DGKI: variants seen among roughly 807,000 people sequenced by gnomAD.
DGKI encodes DAG kinase iota.
DGKI carries 55 observed loss-of-function variants against 147.5 expected under a neutral mutation model. The observed-to-expected ratio is 0.37, with a 90% confidence interval of 0.30 to 0.47. The LOEUF is 0.47. Among genes scored for constraint, DGKI ranks in the 20% least tolerant of loss-of-function variants. The probability of loss-of-function intolerance (pLI) is 1.00; values close to 1 mark genes in which losing one functional copy is unlikely to be tolerated. For missense variants in DGKI, 1,007 were observed against 1,323.8 expected (o/e 0.76, Z 3.71); for synonymous variants, 469 against 477.1 (o/e 0.98, Z 0.22).
At chr7:137,689,157 G>A (rs1452109314) in intron 2 of DGKI, among the ~76,000 whole-genome samples, 1 of 152,132 alleles carries the variant, frequency 6.6e-6, no homozygotes, top group Non-Finnish European at 1.5e-5. Context: ...GCTAAACAAG[G>A]TTCATCATCA....
At chr7:137,659,365 C>A (rs1251031939) in intron 3 of DGKI, among the ~76,000 whole-genome samples, 1 of 152,126 alleles carries the variant, frequency 6.6e-6, no homozygotes, top group East Asian at 1.9e-4. Context: ...TCACTGACTT[C>A]ACGGTGTATG....
intron 30 of DGKI, among the ~76,000 whole-genome samples, chr7:137,403,095 G>A (rs1811824335): frequency 6.6e-6 from 1 of 151,946 alleles, no homozygotes; most frequent in Admixed American, 6.5e-5. Flanking sequence ...GGAGGGAGCG[G>A]GCAGAAAATA....
intron 1 of DGKI, among the ~76,000 whole-genome samples, chr7:137,754,965 C>T (rs1326035066): frequency 6.6e-6 from 1 of 152,194 alleles, no homozygotes; most frequent in Non-Finnish European, 1.5e-5. Context: ...TACTTTAAAA[C>T]GTCTGCTTTC....
At chr7:137,838,482 C>A (rs1293647787) in intron 1 of DGKI, among the ~76,000 whole-genome samples, 1 of 152,090 alleles carries the variant, frequency 6.6e-6, no homozygotes, top group African/African-American at 2.4e-5. Context: ...TATCTTTCAA[C>A]AAATTGCTTT....
chr7:137,675,686 A>G (rs1038510520), intron 3 of DGKI, among the ~76,000 whole-genome samples: 8 of 49,012 alleles, frequency 1.6e-4, no homozygotes, highest in African/African-American at 2.5e-4. Context: ...CTACATCCAA[A>G]AAAAAAAAAA....
At chr7:137,819,452 A>G (rs1229099924) in intron 1 of DGKI, among the ~76,000 whole-genome samples, 2 of 151,976 alleles carry the variant, frequency 1.3e-5, no homozygotes, top group East Asian at 3.9e-4. Context: ...CTGGGAATAC[A>G]GGCGCCCGCC....
chr7:137,454,179 G>T (rs1181129014), intron 27 of DGKI, among the ~76,000 whole-genome samples: 2 of 152,108 alleles, frequency 1.3e-5, no homozygotes, highest in African/African-American at 4.8e-5. Flanking sequence ...TCATTGATCA[G>T]CCAGGTTTAG....
rs1391979069 is a variant in DGKI, at chr7:137,504,974, C to T, written c.2248+16892G>A. Among the ~76,000 whole-genome samples the T allele has an allele frequency of 2.0e-5, 3 of 152,018 alleles. No homozygotes were observed. The East Asian group carries it at 5.8e-4, about 30-fold the overall frequency. ...ACTGGGTGAAAATCTTTGCAAAACA[C>T]GTATCTGATAAAAGACTGGTATCCC... On this transcript the variant is annotated intron_variant, in intron 21 of 32. Coordinates refer to ENST00000614521, the MANE Select transcript of DGKI (RefSeq NM_001321708.2).
chr7:137,797,789 C>G (rs1020341151), intron 1 of DGKI, among the ~76,000 whole-genome samples: 2 of 151,708 alleles, frequency 1.3e-5, no homozygotes, highest in Admixed American at 1.3e-4. Context: ...AATAATATAT[C>G]CTCACACCTT....
intron 21 of DGKI, among the ~76,000 whole-genome samples, chr7:137,517,363 AAGAG>A (rs1446300212): frequency 1.4e-5 from 2 of 140,546 alleles, no homozygotes; most frequent in African/African-American, 2.6e-5. Context: ...GAAGGAAAGA[AAGAG>A]GGAGAGAGAG....
rs182144552 is a variant in DGKI at position 137,744,081 on chromosome 7, T to C, written c.402-54079A>G. ...AAATGATATTGAGACCCAAAAACCA[T>C]ACAAAGGGTCAAAAAAACAGATAAT... is the stretch of plus-strand genomic sequence containing the variant. On this transcript the variant is annotated intron_variant, in intron 1 of 32. Coordinates refer to ENST00000614521, the MANE Select transcript of DGKI (RefSeq NM_001321708.2). Among the ~76,000 whole-genome samples the C allele has an allele frequency of 7.5e-4, 110 of 147,244 alleles. 1 individual carries two copies. Among genetic ancestry groups the C allele is most frequent in the Non-Finnish European group, 1.4e-3 (91 of 66,522 alleles).
At chr7:137,443,316 T>C (rs543836853) in intron 28 of DGKI, among the ~76,000 whole-genome samples, 95 of 152,318 alleles carry the variant, frequency 6.2e-4, no homozygotes, top group Admixed American at 1.8e-3. Flanking sequence ...TAGCCCGGTA[T>C]ACAGTGTACT....
At chr7:137,713,426 T>A (rs1299993891) in intron 1 of DGKI, among the ~76,000 whole-genome samples, 1 of 152,198 alleles carries the variant, frequency 6.6e-6, no homozygotes, top group Non-Finnish European at 1.5e-5. Context: ...ACACAAGTTG[T>A]CTATGGAATT....
intron 20 of DGKI, among the ~76,000 whole-genome samples, chr7:137,546,670 T>G (rs1246519465): frequency 6.6e-6 from 1 of 152,222 alleles, no homozygotes; most frequent in Admixed American, 6.5e-5. Flanking sequence ...AAAGACAAAA[T>G]GTAGAATTTA....
rs1317405923 is a variant in DGKI, at chr7:137,635,002, C to T, written c.804+10470G>A. On this transcript the variant is annotated intron_variant, in intron 6 of 32. Coordinates refer to ENST00000614521, the MANE Select transcript of DGKI (RefSeq NM_001321708.2). ...GGTTGGCCAGGGCCCTGGAGGGAAA[C>T]AGGAGGTCTAGGGAAGAGGTATAAG... is the stretch of plus-strand genomic sequence containing the variant. Among the ~76,000 whole-genome samples, 3 of 152,114 alleles carry T rather than the reference C, an allele frequency of 2.0e-5. No homozygotes were observed. In the South Asian group the frequency reaches 6.2e-4, roughly 32 times the overall value.
intron 5 of DGKI, among the ~76,000 whole-genome samples, chr7:137,654,435 A>G (rs1207413838): frequency 1.3e-5 from 2 of 152,208 alleles, no homozygotes; most frequent in Non-Finnish European, 2.9e-5. Context: ...AATAAGTAAT[A>G]AAAGTCTATT....
intron 1 of DGKI, among the ~76,000 whole-genome samples, chr7:137,801,322 A>G (rs748260): frequency 0.56 from 85,121 of 151,956 alleles, 25,434 homozygotes; most frequent in African/African-American, 0.78. Context: ...CTCATTAGCT[A>G]CTAGAAAGAG....
chr7:137,571,349 T>C, intron 18 of DGKI, 63 bp from the exon 19 acceptor site: 1 of 1,179,090 alleles, frequency 8.5e-7, no homozygotes, highest in Non-Finnish European at 1.2e-6. Flanking sequence ...TATCATGAGG[T>C]GTTAGTTTGT....
At chr7:137,517,277 GA>G (rs869275229) in intron 21 of DGKI, among the ~76,000 whole-genome samples, 60 of 51,486 alleles carry the variant, frequency 1.2e-3, no homozygotes, top group African/African-American at 2.5e-3. Context: ...AGAAAGAAAA[GA>G]AAAAGAAAGA....
Sources: gnomAD v4.1 joint callset for allele counts (sites outside exome capture counted in the v4.1 genomes callset) on GRCh38, gnomAD v4.1.1 for gene constraint, MANE v1.5 for transcripts, NCBI Gene and HGNC (gene_info 2026-07-23, HGNC 2026-07-21) for gene names.